ASXL3: variants seen among roughly 807,000 people sequenced by gnomAD.
ASXL3 encodes the protein putative Polycomb group protein ASXL3.
In ASXL3, 34 loss-of-function variants were observed where a neutral mutation model predicts 170.6. The observed-to-expected ratio is 0.20, with a 90% CI of 0.15 to 0.27. The LOEUF is 0.27. Among genes scored for constraint, ASXL3 ranks in the 10% least tolerant of loss-of-function variants. The probability of loss-of-function intolerance (pLI) is 1.00; values close to 1 mark genes in which losing one functional copy is unlikely to be tolerated. For missense variants in ASXL3, 2,592 were observed against 2,695.3 expected, an observed-to-expected ratio of 0.96 and a Z score of 0.85; for synonymous variants, 1,002 against 989.1, an observed-to-expected ratio of 1.01 and a Z score of -0.24.
chr18:33,668,168 G>A (rs1458178697), intron 5 of ASXL3, among the ~76,000 whole-genome samples: 1 of 152,098 alleles, frequency 6.6e-6, no homozygotes, highest in Admixed American at 6.6e-5. Context: ...AAATTCTTCT[G>A]TAATCCAAGT....
At chr18:33,676,047 A>G (rs949550407) in intron 7 of ASXL3, among the ~76,000 whole-genome samples, 2 of 151,472 alleles carry the variant, frequency 1.3e-5, no homozygotes, top group African/African-American at 2.4e-5. Context: ...ACACAGTGAA[A>G]CCCCGTCTCT....
At chr18:33,607,150 A>G (rs561783723) in intron 1 of ASXL3, among the ~76,000 whole-genome samples, 1 of 151,922 alleles carries the variant, frequency 6.6e-6, no homozygotes, top group Non-Finnish European at 1.5e-5. Flanking sequence ...TTGGCCGTGA[A>G]TCCAGTGAGG....
At chr18:33,597,781 T>C (rs2145107673) in intron 1 of ASXL3, among the ~76,000 whole-genome samples, 1 of 141,908 alleles carries the variant, frequency 7.0e-6, no homozygotes, top group Admixed American at 7.1e-5. Context: ...GGTGTCTCAG[T>C]TCTCTCATCT....
In ASXL3 at chr18:33,578,458, C is replaced by CCACCCGCCGCCGCCGCCG. The variant is rs1472191453; in HGVS notation, c.-173_-172insACCCGCCGCCGCCGCCGC. On this transcript the variant is annotated 5_prime_UTR_variant, in exon 1 of 12. Coordinates refer to ENST00000269197, the MANE Select transcript of ASXL3 (RefSeq NM_030632.3). ...CCACCCCCTCGCTCCATCCCTCCCA[C>CCACCCGCCGCCGCCGCCG]CCGCCGCCGCCGCCGCCGCCGCCGC... The CCACCCGCCGCCGCCGCCG allele has an allele frequency of 2.0e-4, 18 of 92,208 alleles. No homozygotes were observed. The highest frequency in any genetic ancestry group is 1.1e-3 in the African/African-American group (18 of 16,658). 5.7% of individuals were successfully genotyped at this position (92,208 alleles called of 1,614,324 possible). A position where few individuals can be genotyped will look rare whatever the true frequency, so the allele number is the denominator to read the frequency against.
At chr18:33,627,711 G>A (rs1239840670) in intron 2 of ASXL3, among the ~76,000 whole-genome samples, 1 of 152,026 alleles carries the variant, frequency 6.6e-6, no homozygotes, top group Non-Finnish European at 1.5e-5. Context: ...AATCAAATTG[G>A]GTTGTAGTTT....
intron 1 of ASXL3, among the ~76,000 whole-genome samples, chr18:33,594,448 A>G (rs117004799): frequency 2.9e-3 from 448 of 152,328 alleles, no homozygotes; most frequent in Non-Finnish European, 4.9e-3. Flanking sequence ...CTAGGAAGCA[A>G]CAGGGACTAT....
chr18:33,598,846 G>A lies in ASXL3; in HGVS notation c.55-8748G>A, dbSNP rs192920536. Among the ~76,000 whole-genome samples, 684 of 152,218 alleles carry A rather than the reference G, an allele frequency of 4.5e-3. 2 individuals are homozygous for A. The highest frequency in any genetic ancestry group is 6.7e-3 in the Non-Finnish European group (459 of 68,016). On this transcript the variant is annotated intron_variant, in intron 1 of 11. Transcript: ENST00000269197. Reference sequence around the variant, plus strand: ...CAGGAGAGCAGTTGTCCAAAGGCCTGGGTTCAGATCTTTGTTCTCCCACTT... The same window carrying A: ...CAGGAGAGCAGTTGTCCAAAGGCCTAGGTTCAGATCTTTGTTCTCCCACTT...
intron 8 of ASXL3, among the ~76,000 whole-genome samples, chr18:33,726,813 A>G (rs746766719): frequency 8.0e-4 from 121 of 152,128 alleles, no homozygotes; most frequent in Non-Finnish European, 1.3e-3. Flanking sequence ...AGCCCCCTCA[A>G]GGGAGAAGGC....
At chr18:33,640,973 TATA>T (rs534267403) in intron 2 of ASXL3, among the ~76,000 whole-genome samples, 169 of 152,018 alleles carry the variant, frequency 1.1e-3, no homozygotes, top group Non-Finnish European at 8.4e-4. Context: ...GACATAACAA[TATA>T]ATAAAATAGT....
At chr18:33,642,028 G>T (rs1306757915) in intron 2 of ASXL3, among the ~76,000 whole-genome samples, 1 of 151,840 alleles carries the variant, frequency 6.6e-6, no homozygotes, top group Non-Finnish European at 1.5e-5. Context: ...CTATCTAAGA[G>T]TACAGACTTT....
chr18:33,663,737 A>G (rs1304225379), intron 5 of ASXL3, among the ~76,000 whole-genome samples: 1 of 152,108 alleles, frequency 6.6e-6, no homozygotes. Flanking sequence ...TTGGAAATAT[A>G]TTTAGAAGAA....
At chr18:33,606,712 C>T (rs896949840) in intron 1 of ASXL3, among the ~76,000 whole-genome samples, 1 of 151,960 alleles carries the variant, frequency 6.6e-6, no homozygotes, top group Non-Finnish European at 1.5e-5. Flanking sequence ...GTGTCATCTA[C>T]CCTTGGAGTA....
chr18:33,613,281 A>G (rs533861339), intron 2 of ASXL3, among the ~76,000 whole-genome samples: 3 of 152,080 alleles, frequency 2.0e-5, no homozygotes, highest in Non-Finnish European at 4.4e-5. Flanking sequence ...ACTTTTTGCA[A>G]TTCTTCAGAT....
intron 8 of ASXL3, among the ~76,000 whole-genome samples, chr18:33,728,883 A>C (rs1460191665): frequency 6.6e-6 from 1 of 152,176 alleles, no homozygotes; most frequent in Admixed American, 6.5e-5. Context: ...GGCTTCAAAA[A>C]TTTGATACGT....
At chr18:33,587,297 A>T (rs1006966722) in intron 1 of ASXL3, among the ~76,000 whole-genome samples, 1 of 152,316 alleles carries the variant, frequency 6.6e-6, no homozygotes, top group Middle Eastern at 3.4e-3. Context: ...CAATTTCTAC[A>T]GCCTTAGATT....
intron 8 of ASXL3, among the ~76,000 whole-genome samples, chr18:33,706,225 A>G (rs528543716): frequency 5.9e-5 from 9 of 151,930 alleles, no homozygotes; most frequent in African/African-American, 1.9e-4. Flanking sequence ...GAAAAAGATC[A>G]AAGAGCTACC....
intron 4 of ASXL3, among the ~76,000 whole-genome samples, chr18:33,648,212 A>T (rs969375526): frequency 5.9e-5 from 9 of 152,102 alleles, no homozygotes; most frequent in African/African-American, 1.9e-4. Flanking sequence ...TACGAAAAAG[A>T]TACGAGAACA....
chr18:33,729,906 C>T (rs2067414992), intron 8 of ASXL3, among the ~76,000 whole-genome samples: 1 of 152,124 alleles, frequency 6.6e-6, no homozygotes, highest in African/African-American at 2.4e-5. Flanking sequence ...GCGTTCCCAA[C>T]ACCCTTCTGT....
chr18:33,646,083 T>C (rs1383619952), intron 3 of ASXL3, among the ~76,000 whole-genome samples, 162 bp from the exon 4 acceptor site: 1 of 151,960 alleles, frequency 6.6e-6, no homozygotes, highest in East Asian at 1.9e-4. Flanking sequence ...TTACCCAGTT[T>C]TTTTTTTTAA....
Sources: allele counts gnomAD v4.1 joint callset (sites outside exome capture counted in the v4.1 genomes callset), GRCh38; gene constraint gnomAD v4.1.1; transcripts MANE v1.5; gene names NCBI Gene and HGNC (gene_info 2026-07-23, HGNC 2026-07-21).